The following RFTN1 variants were observed in gnomAD, a reference collection of about 807,000 sequenced individuals.
The protein encoded by RFTN1 is raftlin, lipid raft linker 1, also known as raftlin.
A neutral mutation model predicts 46.5 loss-of-function variants in RFTN1; 26 were observed. That is an observed-to-expected ratio of 0.56 (90% confidence interval 0.41 to 0.78). The LOEUF (loss-of-function observed/expected upper bound fraction) is 0.78. Ranked by LOEUF, RFTN1 falls within the 30% of genes least tolerant of loss-of-function variation. The pLI, the probability that RFTN1 is intolerant of heterozygous loss-of-function variation, is 0.00. For missense variants in RFTN1, 693 were observed against 718.7 expected (o/e 0.96, Z 0.41); for synonymous variants, 261 against 284.2 (o/e 0.92, Z 0.82).
Position 16,501,722 on chromosome 3 carries a change from A to G in RFTN1, c.-8-7845T>C, listed in dbSNP as rs536615866. Among the ~76,000 whole-genome samples, 26 of 152,364 alleles carry G rather than the reference A, an allele frequency of 1.7e-4. No homozygotes were observed. The South Asian group carries it at 2.9e-3, about 17-fold the overall frequency. The stretch of plus-strand genomic sequence containing the variant: ...TCCAAAGTAAGAACTGATCATCCAA[A>G]TTAAAAAGTCTTTACATGATAACGA... On this transcript the variant is annotated intron_variant, in intron 1 of 9. Transcript: ENST00000334133.
At chr3:16,340,892 T>C (rs1383753939) in intron 7 of RFTN1, among the ~76,000 whole-genome samples, 2 of 152,164 alleles carry the variant, frequency 1.3e-5, no homozygotes, top group Non-Finnish European at 2.9e-5. Flanking sequence ...AGGAGAAATA[T>C]CTGCAAAAGC....
Position 16,493,739 on chromosome 3 carries a change from G to A in RFTN1, c.131C>T (p.Thr44Met), listed in dbSNP as rs1041994941. The change falls in exon 2 of 10, where the codon ACG (threonine) becomes ATG (methionine). Residue 44 changes from threonine to methionine, a missense_variant. Transcript: ENST00000334133. ...CATGTACTCACCAGCACTCAGAGTC[G>A]TGAACTCCAGGAAGCGGTATTCATA... ...VSYEYRFLEF[T>M]TLSAAELPGS... 7 of 1,609,912 alleles carry A rather than the reference G, an allele frequency of 4.3e-6. No individual in the cohort carries two copies. Among genetic ancestry groups the A allele is most frequent in the East Asian group, 2.2e-5 (1 of 44,688 alleles).
intron 2 of RFTN1, chr3:16,472,671 G>T (rs2076218515): frequency 6.6e-6 from 1 of 152,212 alleles, no homozygotes; most frequent in African/African-American, 2.4e-5. Context: ...AGGCAGAAAC[G>T]ATTCTCAGTT....
intron 2 of RFTN1, among the ~76,000 whole-genome samples, chr3:16,469,594 C>T (rs115592367): frequency 0.01 from 1,552 of 152,264 alleles, 7 homozygotes; most frequent in Middle Eastern, 0.024. Flanking sequence ...GGATGCCGCA[C>T]TGGGGAGCAT....
rs113233851 is a variant in RFTN1, at chr3:16,428,374, C to T, written c.332+5477G>A. ...TTCACTGTTGGAAAAGCAATCTGATCTAGTCCTGAAGGAAGACATGCATTG... is the reference window on the plus strand; with the variant it reads ...TTCACTGTTGGAAAAGCAATCTGATTTAGTCCTGAAGGAAGACATGCATTG... On this transcript the variant is annotated intron_variant, in intron 3 of 9. Coordinates refer to ENST00000334133, the MANE Select transcript of RFTN1 (RefSeq NM_015150.2). This position sits in a 1 kb window ranked among gnomAD's most constrained non-coding sequence, Gnocchi z 4.7. Among the ~76,000 whole-genome samples the T allele has an allele frequency of 9.0e-4, 137 of 152,316 alleles. 2 individuals carry two copies. Among genetic ancestry groups the T allele is most frequent in the African/African-American group, 3.1e-3 (128 of 41,562 alleles).
chr3:16,433,790 C>T lies in RFTN1; in HGVS notation c.332+61G>A. The T allele has an allele frequency of 1.3e-6, 2 of 1,553,834 alleles. No homozygotes were observed. Among genetic ancestry groups the T allele is most frequent in the Non-Finnish European group, 1.8e-6 (2 of 1,126,030 alleles). The stretch of plus-strand genomic sequence containing the variant: ...CCAACCCCATCCTCTCACTTCCCCT[C>T]CTCTATTGAGCATAACTTAGCCGCA... On this transcript the variant is annotated intron_variant, in intron 3 of 9. Coordinates refer to ENST00000334133, the MANE Select transcript of RFTN1 (RefSeq NM_015150.2). This position sits in a 1 kb window ranked among gnomAD's most constrained non-coding sequence, Gnocchi z 4.4.
In RFTN1 at chr3:16,342,172, A is replaced by AC; in HGVS notation, c.1147-15297dup. Among the ~76,000 whole-genome samples the AC allele has an allele frequency of 6.6e-6, 1 of 151,746 alleles. No individual in the cohort carries two copies. The highest frequency in any genetic ancestry group is 1.9e-4 in the East Asian group (1 of 5,162). Reference sequence around the variant, plus strand: ...CACTTTCATCACCCCCCACACCAATACCCTGTACCTATTAGCAGTCACTCC... The same window carrying AC: ...CACTTTCATCACCCCCCACACCAATACCCCTGTACCTATTAGCAGTCACTCC... On this transcript the variant is annotated intron_variant, in intron 7 of 9. Coordinates refer to ENST00000334133, the MANE Select transcript of RFTN1 (RefSeq NM_015150.2). This position sits in a 1 kb window ranked among gnomAD's most constrained non-coding sequence, Gnocchi z 4.0.
chr3:16,382,049 G>A lies in RFTN1; in HGVS notation c.442-3947C>T, dbSNP rs567684259. Among the ~76,000 whole-genome samples, 31 of 152,158 alleles carry A rather than the reference G, an allele frequency of 2.0e-4. No individual in the cohort carries two copies. The highest frequency in any genetic ancestry group is 3.2e-4 in the Non-Finnish European group (22 of 68,020). ...CCTAGGATCCAAACTTTAAAAAGAT[G>A]TCAAAGTTAAATGCTGCCCTTATCC... On this transcript the variant is annotated intron_variant, in intron 4 of 9. Coordinates refer to ENST00000334133, the MANE Select transcript of RFTN1 (RefSeq NM_015150.2). The surrounding 1 kb of genome is among the most constrained non-coding windows in gnomAD (Gnocchi z 4.7).
chr3:16,330,678 G>A (rs533766091), intron 7 of RFTN1, among the ~76,000 whole-genome samples: 212 of 152,282 alleles, frequency 1.4e-3, no homozygotes, highest in Middle Eastern at 0.01. Context: ...TTTTCAACTC[G>A]TATAAAAGGA....
rs1379872303 is a variant in RFTN1, at chr3:16,424,401, C to G, written c.332+9450G>C. ...ACAAAACAGTGTATGTCTAAAACCT[C>G]TGCTGAAAGCACAGTAATGTTTTCG... On this transcript the variant is annotated intron_variant, in intron 3 of 9. Transcript: ENST00000334133. The surrounding 1 kb of genome is among the most constrained non-coding windows in gnomAD (Gnocchi z 4.7). Among the ~76,000 whole-genome samples, 1 of 152,212 alleles carries G rather than the reference C, an allele frequency of 6.6e-6. No individual in the cohort carries two copies. Among genetic ancestry groups the G allele is most frequent in the Non-Finnish European group, 1.5e-5 (1 of 68,032 alleles).
chr3:16,414,246 T>C (rs370517310), intron 3 of RFTN1, among the ~76,000 whole-genome samples: 2 of 142,592 alleles, frequency 1.4e-5, no homozygotes, highest in East Asian at 4.1e-4. Flanking sequence ...CAATAAGCAA[T>C]AGACATGCAT....
intron 3 of RFTN1, among the ~76,000 whole-genome samples, chr3:16,423,315 G>A (rs1317995672): frequency 6.6e-6 from 1 of 152,242 alleles, no homozygotes; most frequent in Non-Finnish European, 1.5e-5. Flanking sequence ...GTAGAATCTT[G>A]TGGGTAGACA....
At chr3:16,397,729 T>C (rs1033655758) in intron 4 of RFTN1, among the ~76,000 whole-genome samples, 5 of 152,192 alleles carry the variant, frequency 3.3e-5, no homozygotes, top group Admixed American at 1.3e-4. Context: ...TTTGGTACAT[T>C]TTCCGAAGTA....
intron 4 of RFTN1, among the ~76,000 whole-genome samples, chr3:16,406,789 T>A (rs2074867776): frequency 6.6e-6 from 1 of 152,348 alleles, no homozygotes; most frequent in South Asian, 2.1e-4. Context: ...TGCTGTATGC[T>A]GTTTCACTAA....
In RFTN1 at chr3:16,377,714, T is replaced by G; in HGVS notation, c.826+4A>C. The G allele has an allele frequency of 3.8e-6, 6 of 1,581,544 alleles. No individual in the cohort carries two copies. The highest frequency in any genetic ancestry group is 5.2e-6 in the Non-Finnish European group (6 of 1,157,754). On this transcript the variant is annotated splice_donor_region_variant and intron_variant, in intron 5 of 9. Coordinates refer to ENST00000334133, the MANE Select transcript of RFTN1 (RefSeq NM_015150.2). ...GTCAAAACTCCCATTGCTGACATAC[T>G]TACTCCCTGAGAGTGGCTCTTCATG...
rs2074139551 is a variant in RFTN1 at position 16,385,517 on chromosome 3, C to T, written c.442-7415G>A. 6.6e-6 allele frequency among the ~76,000 whole-genome samples: 1 copy of T among 152,202 alleles called. No homozygotes were observed. Among genetic ancestry groups the T allele is most frequent in the South Asian group, 2.1e-4 (1 of 4,828 alleles). ...TAAAGCTTTGGACCTGGCTCTGTTACTCAGTAGTTATATTATTGGTCAAAT... is the reference window on the plus strand; with the variant it reads ...TAAAGCTTTGGACCTGGCTCTGTTATTCAGTAGTTATATTATTGGTCAAAT... On this transcript the variant is annotated intron_variant, in intron 4 of 9. Coordinates refer to ENST00000334133, the MANE Select transcript of RFTN1 (RefSeq NM_015150.2). The surrounding 1 kb of genome is among the most constrained non-coding windows in gnomAD (Gnocchi z 5.0).
intron 7 of RFTN1, 132 bp downstream of exon 7, chr3:16,357,800 T>C: frequency 3.0e-6 from 2 of 660,468 alleles, no homozygotes; most frequent in African/African-American, 3.6e-5. Context: ...GGGATCCTTC[T>C]AGGACCTACC....
At chr3:16,409,084 G>C (rs1302742759) in intron 4 of RFTN1, among the ~76,000 whole-genome samples, 1 of 152,212 alleles carries the variant, frequency 6.6e-6, no homozygotes, top group Non-Finnish European at 1.5e-5. Context: ...TTACCATGAG[G>C]GTTTGAAAGG....
chr3:16,393,435 A>G (rs926891699), intron 4 of RFTN1, among the ~76,000 whole-genome samples: 1 of 152,180 alleles, frequency 6.6e-6, no homozygotes, highest in African/African-American at 2.4e-5. Flanking sequence ...ACACTCATAC[A>G]CTATACAGCC....
Sources: allele counts gnomAD v4.1 joint callset (sites outside exome capture counted in the v4.1 genomes callset), GRCh38; gene constraint gnomAD v4.1.1; non-coding constraint Gnocchi (gnomAD v3.1); transcripts MANE v1.5; gene names NCBI Gene and HGNC (gene_info 2026-07-23, HGNC 2026-07-21).